The following SMOX variants were observed in gnomAD, a reference collection of about 807,000 sequenced individuals.
SMOX encodes the protein flavin containing amine oxidase.
In SMOX, 22 loss-of-function variants were observed where a neutral mutation model predicts 51.0. The observed-to-expected ratio is 0.43, with a 90% CI of 0.31 to 0.62. SMOX has a LOEUF of 0.62. Among genes scored for constraint, SMOX ranks in the 20% least tolerant of loss-of-function variants. The pLI, the probability that SMOX is intolerant of heterozygous loss-of-function variation, is 0.10. For missense variants in SMOX, 566 were observed against 777.7 expected (o/e 0.73, Z 3.24); for synonymous variants, 282 against 307.8 (o/e 0.92, Z 0.88).
Position 4,182,990 on chromosome 20 carries a change from C to T in SMOX, c.1369+142C>T, listed in dbSNP as rs150103169. The T allele has an allele frequency of 1.3e-5, 16 of 1,192,280 alleles. No homozygotes were observed. The highest frequency in any genetic ancestry group is 2.9e-4 in the Middle Eastern group (1 of 3,482). 73.9% of individuals were successfully genotyped at this position (1,192,280 alleles called of 1,614,324 possible). A position where few individuals can be genotyped will look rare whatever the true frequency, so the allele number is the denominator to read the frequency against. ...CCCACGGGAGAGCCACTGCAGGGTG[C>T]CACATTCAGCCAAAGGCTCTTCAGT... is the stretch of plus-strand genomic sequence containing the variant. On this transcript the variant is annotated intron_variant, in intron 5 of 6. Transcript: ENST00000305958. This position sits in a 1 kb window ranked among gnomAD's most constrained non-coding sequence, Gnocchi z 8.4.
At chr20:4,155,592 T>C (rs539619528) in intron 1 of SMOX, among the ~76,000 whole-genome samples, 156 of 152,254 alleles carry the variant, frequency 1.0e-3, no homozygotes, top group African/African-American at 3.6e-3. Context: ...AGAGTCAGCT[T>C]AACACATTTT....
chr20:4,175,151 C>T lies in SMOX; in HGVS notation c.96C>T (p.Ala32=), dbSNP rs769405887. 115 of 1,614,096 alleles carry T rather than the reference C, an allele frequency of 7.1e-5. 2 individuals are homozygous for T. The highest frequency in any genetic ancestry group is 7.0e-4 in the Admixed American group (42 of 60,008). The change falls in exon 2 of 7, where the codon GCC becomes GCT. Residue 32 remains alanine, a synonymous_variant. Coordinates refer to ENST00000305958, the MANE Select transcript of SMOX (RefSeq NM_175839.3). The stretch of plus-strand genomic sequence containing the variant: ...AGCCTCGTGTGGTGGTGATCGGCGC[C>T]GGCTTGGCTGGCCTGGCTGCAGCCA... The part of the protein sequence containing the change: ...RGQPRVVVIG[A]GLAGLAAAKA...
rs1316192324 is a variant in SMOX at position 4,157,358 on chromosome 20, C to G, written c.-27+8381C>G. Among the ~76,000 whole-genome samples the G allele has an allele frequency of 3.9e-5, 6 of 152,146 alleles. 1 individual carries two copies. The highest frequency in any genetic ancestry group is 3.9e-4 in the Admixed American group (6 of 15,278). On this transcript the variant is annotated intron_variant, in intron 1 of 6. Coordinates refer to ENST00000305958, the MANE Select transcript of SMOX (RefSeq NM_175839.3). ...CATGAGGGAAGAAAGCAAGAGCCAG[C>G]AGAAAGCGGCACAAGGCTTAGGTTG...
At chr20:4,156,891 C>T (rs1986042926) in intron 1 of SMOX, among the ~76,000 whole-genome samples, 1 of 152,164 alleles carries the variant, frequency 6.6e-6, no homozygotes, top group Admixed American at 6.5e-5. Flanking sequence ...TACAGGCGCT[C>T]ACCACCACGC....
chr20:4,183,390 C>T lies in SMOX; in HGVS notation c.1370-104C>T. The T allele has an allele frequency of 6.4e-6, 10 of 1,563,806 alleles. No individual in the cohort carries two copies. Among genetic ancestry groups the T allele is most frequent in the Non-Finnish European group, 8.8e-6 (10 of 1,139,170 alleles). On this transcript the variant is annotated intron_variant, in intron 5 of 6. Coordinates refer to ENST00000305958, the MANE Select transcript of SMOX (RefSeq NM_175839.3). This position sits in a 1 kb window ranked among gnomAD's most constrained non-coding sequence, Gnocchi z 4.3. ...GCCTACCCCTGGCAGTCTGGTCCTCCCGGAGCCCTGGAGGTGGGGTGGGGG... is the reference window on the plus strand; with the variant it reads ...GCCTACCCCTGGCAGTCTGGTCCTCTCGGAGCCCTGGAGGTGGGGTGGGGG...
In SMOX at chr20:4,175,235, C is replaced by T. The variant is rs1045674775; in HGVS notation, c.180C>T (p.Ile60=). 9.3e-6 allele frequency: 15 copies of T among 1,614,054 alleles called. No individual in the cohort carries two copies. In the Admixed American group the frequency reaches 1.0e-4, roughly 11 times the overall value. Residue 60 remains isoleucine (I), a synonymous_variant, in exon 2 of 7, where the codon ATC becomes ATT. Transcript: ENST00000305958. ...CTGTGCTTGAGGCTTCCAGCCACAT[C>T]GGAGGCCGTGTGCAGAGTGTGAAAC... The part of the protein sequence containing the change: ...DVTVLEASSH[I]GGRVQSVKLG...
In SMOX at chr20:4,173,956, G is replaced by A. The variant is rs114489675; in HGVS notation, c.-26-1074G>A. Reference sequence around the variant, plus strand: ...CAGCCATCAGCTCCCCTAGTCTGGCGTCTCTGAGCAAACTGGCTTAGTGTA... The same window carrying A: ...CAGCCATCAGCTCCCCTAGTCTGGCATCTCTGAGCAAACTGGCTTAGTGTA... On this transcript the variant is annotated intron_variant, in intron 1 of 6. Coordinates refer to ENST00000305958, the MANE Select transcript of SMOX (RefSeq NM_175839.3). 2.0e-3 allele frequency among the ~76,000 whole-genome samples: 310 copies of A among 152,374 alleles called. 1 individual carries two copies. Among genetic ancestry groups the A allele is most frequent in the African/African-American group, 6.6e-3 (276 of 41,590 alleles).
intron 6 of SMOX, among the ~76,000 whole-genome samples, chr20:4,184,285 C>T (rs575539816): frequency 1.3e-5 from 2 of 152,104 alleles, no homozygotes; most frequent in African/African-American, 4.8e-5. Context: ...AATGAGCCAC[C>T]ACACTTGGCC....
intron 1 of SMOX, among the ~76,000 whole-genome samples, chr20:4,173,983 C>T (rs1055545981): frequency 6.6e-6 from 1 of 152,272 alleles, no homozygotes; most frequent in Admixed American, 6.5e-5. Context: ...CTTAGTGTAA[C>T]TGTCAATTTC....
At chr20:4,175,830 T>C (rs999563915) in intron 2 of SMOX, among the ~76,000 whole-genome samples, 1 of 140,418 alleles carries the variant, frequency 7.1e-6, no homozygotes, top group African/African-American at 2.7e-5. Flanking sequence ...GGGCAGACTT[T>C]GCCAGGGATC....
rs1225095379 is a variant in SMOX at position 4,149,189 on chromosome 20, G to A, written c.-27+212G>A. On this transcript the variant is annotated intron_variant, in intron 1 of 6. Coordinates refer to ENST00000305958, the MANE Select transcript of SMOX (RefSeq NM_175839.3). This position sits in a 1 kb window ranked among gnomAD's most constrained non-coding sequence, Gnocchi z 6.0. ...GCTCGCGGGGAGCAGGGGGCGCCGC[G>A]CCCCCCTGGCTTCCGCCGGGGTAAG... 2.7e-5 allele frequency among the ~76,000 whole-genome samples: 4 copies of A among 149,694 alleles called. No individual in the cohort carries two copies. Among genetic ancestry groups the A allele is most frequent in the African/African-American group, 9.7e-5 (4 of 41,108 alleles).
chr20:4,151,643 G>A (rs898374388), intron 1 of SMOX, among the ~76,000 whole-genome samples: 1 of 152,034 alleles, frequency 6.6e-6, no homozygotes, highest in African/African-American at 2.4e-5. Context: ...TACTGGCCTG[G>A]CTTTTCTCCT....
chr20:4,182,673 C>G lies in SMOX; in HGVS notation c.1194C>G (p.Thr398=), dbSNP rs756634437. Residue 398 remains threonine, a synonymous_variant, in exon 5 of 7, where the codon ACC becomes ACG. Coordinates refer to ENST00000305958, the MANE Select transcript of SMOX (RefSeq NM_175839.3). This position sits in a 1 kb window ranked among gnomAD's most constrained non-coding sequence, Gnocchi z 8.4. ...ACGAAGCAGAGAGCCACACCCTCAC[C>G]TACCCACCTGAGCTCTGGTACCGCA... ...WEDEAESHTL[T]YPPELWYRKI... is the part of the protein sequence containing the mutation. 19 of 1,614,034 alleles carry G rather than the reference C, an allele frequency of 1.2e-5. No homozygotes were observed. In the Admixed American group the frequency reaches 3.2e-4, roughly 27 times the overall value.
rs1431107418 is a variant in SMOX at position 4,153,788 on chromosome 20, C to T, written c.-27+4811C>T. On this transcript the variant is annotated intron_variant, in intron 1 of 6. Coordinates refer to ENST00000305958, the MANE Select transcript of SMOX (RefSeq NM_175839.3). This position sits in a 1 kb window ranked among gnomAD's most constrained non-coding sequence, Gnocchi z 4.4. ...CAGGGGAGCATGGGGGAGGCCTGTC[C>T]ACGGTGCCCAAGTCCTTGTCTGCTG... 6.6e-6 allele frequency among the ~76,000 whole-genome samples: 1 copy of T among 152,132 alleles called. No homozygotes were observed. The highest frequency in any genetic ancestry group is 2.4e-5 in the African/African-American group (1 of 41,430).
intron 1 of SMOX, among the ~76,000 whole-genome samples, chr20:4,156,777 C>T (rs1407276393): frequency 6.6e-6 from 1 of 152,168 alleles, no homozygotes; most frequent in Admixed American, 6.5e-5. Context: ...GAGCCTCACT[C>T]TGTCACGCAG....
At chr20:4,150,325 A>C (rs1357711331) in intron 1 of SMOX, among the ~76,000 whole-genome samples, 4 of 152,088 alleles carry the variant, frequency 2.6e-5, no homozygotes, top group Admixed American at 6.6e-5. Flanking sequence ...CCCTTCACTG[A>C]AACAGCCTCA....
At position 4,175,201 on chromosome 20, in the gene SMOX, C is replaced by T. The variant is rs1380262910; in HGVS notation, c.146C>T (p.Thr49Met). 3.1e-6 allele frequency: 5 copies of T among 1,614,164 alleles called. No individual in the cohort carries two copies. Among genetic ancestry groups the T allele is most frequent in the Non-Finnish European group, 4.2e-6 (5 of 1,180,032 alleles). Residue 49 changes from threonine (T) to methionine (M), a missense_variant, in exon 2 of 7, where the codon ACG (threonine) becomes ATG (methionine). Coordinates refer to ENST00000305958, the MANE Select transcript of SMOX (RefSeq NM_175839.3). ...AAAGCACTTCTTGAGCAGGGTTTCA[C>T]GGATGTCACTGTGCTTGAGGCTTCC... ...AAKALLEQGF[T>M]DVTVLEASSH...
chr20:4,155,127 G>A (rs1158052715), intron 1 of SMOX, among the ~76,000 whole-genome samples: 2 of 152,142 alleles, frequency 1.3e-5, no homozygotes, highest in South Asian at 2.1e-4. Context: ...GCCTGGCACT[G>A]TGGGCAACCA....
chr20:4,173,552 C>G (rs1178534161), intron 1 of SMOX, among the ~76,000 whole-genome samples: 1 of 152,138 alleles, frequency 6.6e-6, no homozygotes, highest in Non-Finnish European at 1.5e-5. Flanking sequence ...TAACTTGTGT[C>G]TTTGGTGGAA....
Sources: gnomAD v4.1 joint callset for allele counts (sites outside exome capture counted in the v4.1 genomes callset) on GRCh38, gnomAD v4.1.1 for gene constraint, Gnocchi (gnomAD v3.1) non-coding constraint, MANE v1.5 for transcripts, NCBI Gene and HGNC (gene_info 2026-07-23, HGNC 2026-07-21) for gene names.